Variants in MICAL3 observed in about 807,000 individuals in gnomAD.
MICAL3 encodes the protein [F-actin]-monooxygenase MICAL3.
In MICAL3, 62 loss-of-function variants were observed where a neutral mutation model predicts 207.4. The ratio of observed to expected loss-of-function variants is 0.30; its 90% CI spans 0.24 to 0.37. MICAL3 has a LOEUF of 0.37. Among genes scored for constraint, MICAL3 ranks in the 10% least tolerant of loss-of-function variants. The pLI is 1.00. For missense variants in MICAL3, 2,368 were observed against 2,635.6 expected (o/e 0.90, Z 2.22); for synonymous variants, 1,077 against 1,069.3 (o/e 1.01, Z -0.14).
At chr22:18,000,377 C>A (rs1922807717) in intron 1 of MICAL3, among the ~76,000 whole-genome samples, 1 of 152,244 alleles carries the variant, frequency 6.6e-6, no homozygotes, top group African/African-American at 2.4e-5. Context: ...GGTTTGAACT[C>A]TTGGACATAC....
At chr22:17,895,492 G>A (rs565869486) in intron 9 of MICAL3, 82 bp from the exon 10 acceptor site, 444 of 1,503,502 alleles carry the variant, frequency 3.0e-4, no homozygotes, top group Non-Finnish European at 3.9e-4. Context: ...TTCTGACAGC[G>A]CAGCAAGTCA....
chr22:17,962,776 CCTT>C (rs1317582761), intron 1 of MICAL3, among the ~76,000 whole-genome samples: 2 of 152,096 alleles, frequency 1.3e-5, no homozygotes, highest in African/African-American at 4.8e-5. Flanking sequence ...GGTGTTACTC[CCTT>C]CTTATCTGTA....
intron 1 of MICAL3, chr22:18,006,489 A>G (rs1923395581): frequency 6.6e-6 from 1 of 152,164 alleles, no homozygotes; most frequent in African/African-American, 2.4e-5. Context: ...TCAATCCGCA[A>G]TGGAGCCGGT....
chr22:17,914,745 T>G (rs1932371505), intron 1 of MICAL3, among the ~76,000 whole-genome samples: 1 of 152,246 alleles, frequency 6.6e-6, no homozygotes, highest in Non-Finnish European at 1.5e-5. Context: ...GAGAGCAGTC[T>G]GGTTTCACAG....
intron 19 of MICAL3, among the ~76,000 whole-genome samples, chr22:17,845,275 T>C (rs1359149207): frequency 1.3e-5 from 2 of 152,098 alleles, no homozygotes; most frequent in Admixed American, 6.5e-5. Flanking sequence ...GATTTTACAG[T>C]AGAGTGAACG....
chr22:17,904,492 C>T (rs1270636291), intron 3 of MICAL3, 140 bp downstream of exon 3: 1 of 706,888 alleles, frequency 1.4e-6, no homozygotes, highest in South Asian at 1.7e-5. Context: ...GATGAGTGCA[C>T]TTACTATAAG....
At position 17,902,596 on chromosome 22, in the gene MICAL3, T is replaced by C; in HGVS notation, c.589+35A>G. 1.5e-6 allele frequency: 2 copies of C among 1,296,760 alleles called. No homozygotes were observed. The highest frequency in any genetic ancestry group is 2.2e-6 in the Non-Finnish European group (2 of 911,228). The allele number at this position is 1,296,760 out of a possible 1,614,324, so 80.3% of individuals were successfully genotyped here. ...TCATCTTCCTCACCCATCAACACCCTCTCACGCCTTCTTCACTCCTCCAGT... is the reference window on the plus strand; with the variant it reads ...TCATCTTCCTCACCCATCAACACCCCCTCACGCCTTCTTCACTCCTCCAGT... On this transcript the variant is annotated intron_variant, in intron 4 of 31. Transcript: ENST00000441493. The surrounding 1 kb of genome is among the most constrained non-coding windows in gnomAD (Gnocchi z 4.5).
intron 29 of MICAL3, among the ~76,000 whole-genome samples, chr22:17,799,458 G>A (rs1043128733): frequency 3.3e-5 from 5 of 152,210 alleles, no homozygotes; most frequent in African/African-American, 7.2e-5. Flanking sequence ...TGGGGCCACC[G>A]TAGATTTTCC....
intron 1 of MICAL3, among the ~76,000 whole-genome samples, chr22:17,931,028 G>A (rs913660659): frequency 1.3e-5 from 2 of 152,170 alleles, no homozygotes; most frequent in Admixed American, 6.5e-5. Context: ...ACCGGGTTCC[G>A]GGCATCCCTG....
At chr22:17,979,811 G>T (rs1334000676) in intron 1 of MICAL3, among the ~76,000 whole-genome samples, 1 of 151,460 alleles carries the variant, frequency 6.6e-6, no homozygotes, top group Non-Finnish European at 1.5e-5. Context: ...AAAACCCACA[G>T]GTTTTTTTGT....
intron 29 of MICAL3, among the ~76,000 whole-genome samples, chr22:17,805,491 A>G (rs886183251): frequency 2.0e-5 from 3 of 152,260 alleles, no homozygotes; most frequent in Non-Finnish European, 2.9e-5. Context: ...ATCACAACGA[A>G]ATATCCCAAC....
intron 1 of MICAL3, among the ~76,000 whole-genome samples, chr22:17,925,356 T>C (rs1932894230): frequency 6.6e-6 from 1 of 152,218 alleles, no homozygotes; most frequent in Admixed American, 6.5e-5. Context: ...TTGATTGCAG[T>C]ATAACTTACA....
intron 1 of MICAL3, among the ~76,000 whole-genome samples, chr22:17,969,265 T>C (rs1935294485): frequency 6.6e-6 from 1 of 152,196 alleles, no homozygotes; most frequent in African/African-American, 2.4e-5. Flanking sequence ...GGTCTTGAAC[T>C]CCTGACCTCG....
rs1047593207 is a variant in MICAL3 at position 17,842,151 on chromosome 22, T to A, written c.2606-134A>T. 3.9e-4 allele frequency: 322 copies of A among 825,936 alleles called. 1 individual carries two copies. Among genetic ancestry groups the A allele is most frequent in the Non-Finnish European group, 5.4e-4 (285 of 531,592 alleles). The allele number at this position is 825,936 out of a possible 1,614,324, so 51.2% of individuals were successfully genotyped here. A position where few individuals can be genotyped will look rare whatever the true frequency, so the allele number is the denominator to read the frequency against. ...ACAAAGGTCAGAGCATTTGCAGAGTTGCCAGAGGCCAGAGAAGGACCCTGG... is the reference window on the plus strand; with the variant it reads ...ACAAAGGTCAGAGCATTTGCAGAGTAGCCAGAGGCCAGAGAAGGACCCTGG... On this transcript the variant is annotated intron_variant, in intron 19 of 31. Coordinates refer to ENST00000441493, the MANE Select transcript of MICAL3 (RefSeq NM_015241.3).
chr22:17,884,353 T>A, intron 16 of MICAL3: 1 of 1,590,916 alleles, frequency 6.3e-7, no homozygotes, highest in Non-Finnish European at 8.5e-7. Flanking sequence ...CACGCTCTTG[T>A]GTCAGCTGGG....
chr22:17,983,036 C>T (rs145831731), intron 1 of MICAL3, among the ~76,000 whole-genome samples: 3,662 of 152,266 alleles, frequency 0.024, 73 homozygotes, highest in South Asian at 0.043. Flanking sequence ...TGCCTCTGGG[C>T]CCCATGGGTC....
rs71754131 is a variant in MICAL3 at position 17,897,422 on chromosome 22, C to CAAAA, written c.949-445_949-442dup. On this transcript the variant is annotated intron_variant, in intron 7 of 31. Transcript: ENST00000441493. ...TAGGTGACAGAGTGAGACTCCAACTCAAAAAAAAAAAAAAAAAAAAAAAGA... is the reference window on the plus strand; with the variant it reads ...TAGGTGACAGAGTGAGACTCCAACTCAAAAAAAAAAAAAAAAAAAAAAAAAAAGA... Among the ~76,000 whole-genome samples the CAAAA allele has an allele frequency of 2.8e-3, 118 of 41,702 alleles. 1 individual carries two copies. The highest frequency in any genetic ancestry group is 8.5e-3 in the African/African-American group (99 of 11,618). 27.4% of individuals were successfully genotyped at this position (41,702 alleles called of 152,430 possible).
intron 21 of MICAL3, among the ~76,000 whole-genome samples, chr22:17,831,344 C>CA (rs1922787243): frequency 6.6e-6 from 1 of 152,150 alleles, no homozygotes; most frequent in African/African-American, 2.4e-5. Flanking sequence ...CAGAACCAGC[C>CA]AGAGTGGCTG....
intron 1 of MICAL3, among the ~76,000 whole-genome samples, chr22:18,013,821 A>G (rs1923891735): frequency 6.6e-6 from 1 of 152,154 alleles, no homozygotes; most frequent in Non-Finnish European, 1.5e-5. Context: ...TAAAAAGAGA[A>G]ACAAGGTCTT....
Sources: gnomAD v4.1 joint callset for allele counts (sites outside exome capture counted in the v4.1 genomes callset) on GRCh38, gnomAD v4.1.1 for gene constraint, Gnocchi (gnomAD v3.1) non-coding constraint, MANE v1.5 for transcripts, NCBI Gene and HGNC (gene_info 2026-07-23, HGNC 2026-07-21) for gene names.